DOK5: variants seen among roughly 807,000 people sequenced by gnomAD.
DOK5 encodes docking protein 5, also known as downstream of tyrosine kinase 5.
A neutral mutation model predicts 43.3 loss-of-function variants in DOK5; 27 were observed. The observed-to-expected ratio is 0.62, with a 90% CI of 0.46 to 0.86. The LOEUF (loss-of-function observed/expected upper bound fraction) is 0.86, where lower values mean the gene tolerates loss of function less well. Among genes scored for constraint, DOK5 ranks in the 40% least tolerant of loss-of-function variants. The pLI, the probability that DOK5 is intolerant of heterozygous loss-of-function variation, is 0.00. For synonymous variants in DOK5, 146 were observed against 140.1 expected, an observed-to-expected ratio of 1.04 and a Z score of -0.30; for missense variants, 373 against 392.9, an observed-to-expected ratio of 0.95 and a Z score of 0.43.
intron 1 of DOK5, among the ~76,000 whole-genome samples, chr20:54,527,004 A>G (rs1983599659): frequency 6.6e-6 from 1 of 152,198 alleles, no homozygotes; most frequent in African/African-American, 2.4e-5. Flanking sequence ...GTGGTTCAAA[A>G]TAGTTGAGGT....
chr20:54,525,733 A>C (rs1005925739), intron 1 of DOK5, among the ~76,000 whole-genome samples: 1 of 152,246 alleles, frequency 6.6e-6, no homozygotes, highest in Non-Finnish European at 1.5e-5. Flanking sequence ...ATTTGAAAGT[A>C]AACCATGTTT....
intron 6 of DOK5, 101 bp downstream of exon 6, chr20:54,610,624 A>G: frequency 8.1e-7 from 1 of 1,227,228 alleles, no homozygotes; most frequent in Non-Finnish European, 1.1e-6. Flanking sequence ...ATTTGAGCAG[A>G]TGACTGATTC....
In DOK5 at chr20:54,650,488, G is replaced by A. The variant is rs1307338236; in HGVS notation, c.*9G>A. 1 of 1,613,456 alleles carries A rather than the reference G, an allele frequency of 6.2e-7. No homozygotes were observed. Among genetic ancestry groups the A allele is most frequent in the Admixed American group, 1.7e-5 (1 of 60,000 alleles). On this transcript the variant is annotated 3_prime_UTR_variant, in exon 8 of 8. Coordinates refer to ENST00000262593, the MANE Select transcript of DOK5 (RefSeq NM_018431.5). ...ACAGATCTGAGCACTGACAGTAACTGCCAAGAATTGTTAACACACTTGTGA... is the reference window on the plus strand; with the variant it reads ...ACAGATCTGAGCACTGACAGTAACTACCAAGAATTGTTAACACACTTGTGA...
chr20:54,588,364 T>C, intron 2 of DOK5, 119 bp from the exon 3 acceptor site: 1 of 757,390 alleles, frequency 1.3e-6, no homozygotes, highest in South Asian at 1.7e-5. Flanking sequence ...TAGATACTTT[T>C]TCAACAGGTT....
At chr20:54,519,604 T>C (rs2146695072) in intron 1 of DOK5, among the ~76,000 whole-genome samples, 2 of 152,326 alleles carry the variant, frequency 1.3e-5, no homozygotes, top group Middle Eastern at 6.8e-3. Flanking sequence ...GAGTAAGGCT[T>C]ATATTCATTT....
chr20:54,520,327 T>C lies in DOK5; in HGVS notation c.67-34606T>C, dbSNP rs558019614. 5.3e-5 allele frequency among the ~76,000 whole-genome samples: 8 copies of C among 152,334 alleles called. No individual in the cohort carries two copies. The East Asian group carries it at 1.2e-3, about 22-fold the overall frequency. ...TTCAAAACACATCTGGATATAGTGA[T>C]TGATACCCCTGTTGTTTCCACTCTA... On this transcript the variant is annotated intron_variant, in intron 1 of 7. Transcript: ENST00000262593.
intron 1 of DOK5, among the ~76,000 whole-genome samples, chr20:54,522,168 G>C (rs1983422570): frequency 6.6e-6 from 1 of 151,978 alleles, no homozygotes; most frequent in East Asian, 1.9e-4. Context: ...GAATTGTCTT[G>C]GGCCACACCT....
intron 1 of DOK5, among the ~76,000 whole-genome samples, chr20:54,527,820 G>T (rs182473135): frequency 3.5e-4 from 54 of 152,326 alleles, no homozygotes; most frequent in Middle Eastern, 6.8e-3. Flanking sequence ...ATATTAAGTG[G>T]AAAGTTGCCT....
intron 1 of DOK5, among the ~76,000 whole-genome samples, chr20:54,534,959 G>A (rs1156771194): frequency 6.6e-6 from 1 of 151,932 alleles, no homozygotes; most frequent in Non-Finnish European, 1.5e-5. Flanking sequence ...TCAGCCTCCC[G>A]AGTAGCTGGG....
At chr20:54,644,342 C>T (rs994034672) in intron 7 of DOK5, among the ~76,000 whole-genome samples, 4 of 152,050 alleles carry the variant, frequency 2.6e-5, no homozygotes, top group Non-Finnish European at 5.9e-5. Context: ...GAGGCCAAGG[C>T]GGTCAGATCA....
At chr20:54,534,184 A>G (rs2146708999) in intron 1 of DOK5, among the ~76,000 whole-genome samples, 1 of 152,274 alleles carries the variant, frequency 6.6e-6, no homozygotes, top group Admixed American at 6.5e-5. Flanking sequence ...TTGATTTCAA[A>G]TCTTTTTTGC....
intron 1 of DOK5, among the ~76,000 whole-genome samples, chr20:54,505,438 C>A (rs1982768581): frequency 6.6e-6 from 1 of 151,986 alleles, no homozygotes; most frequent in Non-Finnish European, 1.5e-5. Flanking sequence ...CAAGTGAATA[C>A]CTATAAATTC....
intron 5 of DOK5, among the ~76,000 whole-genome samples, chr20:54,607,419 T>TGG (rs1202240370): frequency 2.0e-5 from 3 of 151,724 alleles, no homozygotes; most frequent in Non-Finnish European, 4.4e-5. Context: ...TGTGTGTGTG[T>TGG]GTGTGTGTGT....
At chr20:54,634,162 C>T (rs570700860) in intron 6 of DOK5, among the ~76,000 whole-genome samples, 7 of 152,260 alleles carry the variant, frequency 4.6e-5, no homozygotes, top group Admixed American at 1.3e-4. Flanking sequence ...CGCAGTGGTC[C>T]GGTCATTAGA....
chr20:54,618,872 C>G (rs1471185554), intron 6 of DOK5, among the ~76,000 whole-genome samples: 1 of 150,758 alleles, frequency 6.6e-6, no homozygotes, highest in Non-Finnish European at 1.5e-5. Context: ...TAAAAATTAG[C>G]CCAGCATGAT....
At chr20:54,495,438 C>T (rs1046931693) in intron 1 of DOK5, among the ~76,000 whole-genome samples, 1 of 152,170 alleles carries the variant, frequency 6.6e-6, no homozygotes, top group Non-Finnish European at 1.5e-5. Context: ...ATTTGGCCAT[C>T]AAGTAGCCTA....
chr20:54,508,939 C>T (rs765262962), intron 1 of DOK5, among the ~76,000 whole-genome samples: 30 of 151,792 alleles, frequency 2.0e-4, no homozygotes, highest in Admixed American at 9.2e-4. Flanking sequence ...TGCAGTGACA[C>T]GATCTCGGCT....
At chr20:54,613,239 G>A (rs895890831) in intron 6 of DOK5, among the ~76,000 whole-genome samples, 7 of 146,926 alleles carry the variant, frequency 4.8e-5, no homozygotes, top group East Asian at 2.0e-4. Context: ...TCTCTCTCTC[G>A]CCATCTCTCT....
chr20:54,612,348 C>T (rs773185219), intron 6 of DOK5, among the ~76,000 whole-genome samples: 1 of 152,102 alleles, frequency 6.6e-6, no homozygotes, highest in Non-Finnish European at 1.5e-5. Flanking sequence ...TGGACGTGGG[C>T]ATGCTGAGGA....
Sources: allele counts gnomAD v4.1 joint callset (sites outside exome capture counted in the v4.1 genomes callset), GRCh38; gene constraint gnomAD v4.1.1; transcripts MANE v1.5; gene names NCBI Gene and HGNC (gene_info 2026-07-23, HGNC 2026-07-21).